SLC25A21: variants seen among roughly 807,000 people sequenced by gnomAD.
SLC25A21 encodes the protein mitochondrial 2-oxodicarboxylate carrier.
SLC25A21 carries 47 observed loss-of-function variants against 43.8 expected under a neutral mutation model. The observed-to-expected ratio is 1.07, with a 90% CI of 0.85 to 1.37. The LOEUF is 1.37. Ranked by LOEUF, SLC25A21 falls within the 40% of genes most tolerant of loss-of-function variation. SLC25A21 has a pLI of 0.00. For missense variants in SLC25A21, 352 were observed against 350.2 expected (o/e 1.00, Z -0.04); for synonymous variants, 131 against 121.3 (o/e 1.08, Z -0.52).
chr14:36,807,984 ATAT>A (rs1487235572), intron 3 of SLC25A21, among the ~76,000 whole-genome samples: 1 of 152,184 alleles, frequency 6.6e-6, no homozygotes, highest in African/African-American at 2.4e-5. Context: ...TAACTAGAAA[ATAT>A]TATAATCACC....
intron 1 of SLC25A21, among the ~76,000 whole-genome samples, chr14:36,914,282 C>T (rs947231949): frequency 1.3e-5 from 2 of 152,136 alleles, no homozygotes; most frequent in African/African-American, 4.8e-5. Flanking sequence ...AAGTCTCCAT[C>T]TGGTATATTT....
chr14:36,798,344 T>C (rs1887744023), intron 3 of SLC25A21, among the ~76,000 whole-genome samples: 1 of 152,192 alleles, frequency 6.6e-6, no homozygotes, highest in South Asian at 2.1e-4. Flanking sequence ...TTTCCTGTAA[T>C]TGAGAATGGT....
intron 7 of SLC25A21, among the ~76,000 whole-genome samples, chr14:36,699,282 G>A (rs1264621255): frequency 6.6e-6 from 1 of 152,160 alleles, no homozygotes; most frequent in Non-Finnish European, 1.5e-5. Context: ...AAATATTGCA[G>A]AACAGCAAAT....
At chr14:36,938,708 A>C (rs1317559634) in intron 1 of SLC25A21, among the ~76,000 whole-genome samples, 1 of 152,132 alleles carries the variant, frequency 6.6e-6, no homozygotes, top group Non-Finnish European at 1.5e-5. Flanking sequence ...CCAACCACAA[A>C]GAATTTTGGT....
intron 1 of SLC25A21, among the ~76,000 whole-genome samples, chr14:36,943,874 T>C (rs1892623844): frequency 6.6e-6 from 1 of 152,084 alleles, no homozygotes; most frequent in African/African-American, 2.4e-5. Context: ...CTAAGAAACC[T>C]CCTAGTAACA....
intron 1 of SLC25A21, among the ~76,000 whole-genome samples, chr14:37,095,845 A>ACACAC (rs1175447694): frequency 6.4e-4 from 14 of 21,778 alleles, no homozygotes; most frequent in African/African-American, 8.8e-4. Context: ...CACACACACA[A>ACACAC]AAAACACCTT....
chr14:36,678,996 A>G lies in SLC25A21; in HGVS notation c.*1662T>C. ...TTGACATATTTCCTCTATCTCATAG[A>G]TGGTAAAAGTGTTGCTTTTAAACTG... On this transcript the variant is annotated 3_prime_UTR_variant, in exon 10 of 10. Coordinates refer to ENST00000331299, the MANE Select transcript of SLC25A21 (RefSeq NM_030631.4). 1.7e-5 allele frequency: 16 copies of G among 963,788 alleles called. No homozygotes were observed. Among genetic ancestry groups the G allele is most frequent in the Non-Finnish European group, 1.9e-5 (16 of 823,148 alleles). The allele number at this position is 963,788 out of a possible 1,614,324, so 59.7% of individuals were successfully genotyped here. A position where few individuals can be genotyped will look rare whatever the true frequency, so the allele number is the denominator to read the frequency against.
intron 1 of SLC25A21, among the ~76,000 whole-genome samples, chr14:36,890,525 A>G (rs190736409): frequency 3.6e-4 from 55 of 152,282 alleles, no homozygotes; most frequent in African/African-American, 1.3e-3. Flanking sequence ...GCAGAAAATA[A>G]GAGATGAAGT....
At chr14:36,824,105 T>C (rs1888732841) in intron 2 of SLC25A21, among the ~76,000 whole-genome samples, 1 of 152,186 alleles carries the variant, frequency 6.6e-6, no homozygotes, top group Admixed American at 6.5e-5. Flanking sequence ...AGACCTAATA[T>C]ACTATTCCAT....
At chr14:37,012,249 A>G (rs962904012) in intron 1 of SLC25A21, among the ~76,000 whole-genome samples, 7 of 152,216 alleles carry the variant, frequency 4.6e-5, no homozygotes, top group Non-Finnish European at 7.4e-5. Flanking sequence ...ATATAATAAA[A>G]ATTGTTCTAA....
chr14:36,692,213 A>T (rs891161954), intron 7 of SLC25A21, among the ~76,000 whole-genome samples: 11 of 152,222 alleles, frequency 7.2e-5, no homozygotes, highest in Admixed American at 5.9e-4. Flanking sequence ...AGGGAGATCA[A>T]TGAGTTTCTC....
intron 1 of SLC25A21, among the ~76,000 whole-genome samples, chr14:36,991,884 A>G (rs1960271529): frequency 6.6e-6 from 1 of 152,184 alleles, no homozygotes; most frequent in Admixed American, 6.5e-5. Flanking sequence ...CTGTTTCAGT[A>G]AGATCAGTGC....
intron 2 of SLC25A21, among the ~76,000 whole-genome samples, chr14:36,835,765 T>C (rs920599359): frequency 1.1e-4 from 16 of 152,348 alleles, no homozygotes; most frequent in African/African-American, 3.4e-4. Flanking sequence ...TTTCCTAAAA[T>C]AATAGGTATG....
intron 1 of SLC25A21, among the ~76,000 whole-genome samples, chr14:36,925,849 A>C (rs1055942824): frequency 2.6e-5 from 4 of 152,162 alleles, no homozygotes; most frequent in Non-Finnish European, 5.9e-5. Flanking sequence ...TCCATCTCAA[A>C]ACAAAAACAA....
At chr14:37,061,894 G>T (rs1032551322) in intron 1 of SLC25A21, among the ~76,000 whole-genome samples, 1 of 152,198 alleles carries the variant, frequency 6.6e-6, no homozygotes, top group Admixed American at 6.5e-5. Context: ...CAACATTTCA[G>T]GTTCTTGAAA....
At chr14:36,939,492 G>C (rs2138647068) in intron 1 of SLC25A21, among the ~76,000 whole-genome samples, 1 of 151,932 alleles carries the variant, frequency 6.6e-6, no homozygotes, top group East Asian at 1.9e-4. Flanking sequence ...TAATCTTGTT[G>C]TCCATCTAAA....
intron 1 of SLC25A21, among the ~76,000 whole-genome samples, chr14:37,167,352 T>A (rs1253521776): frequency 6.6e-6 from 1 of 152,140 alleles, no homozygotes; most frequent in African/African-American, 2.4e-5. Context: ...AAAACGCAGA[T>A]TCCGATATGG....
intron 1 of SLC25A21, among the ~76,000 whole-genome samples, chr14:37,030,209 T>C (rs993708129): frequency 1.3e-5 from 2 of 152,134 alleles, no homozygotes; most frequent in South Asian, 4.2e-4. Context: ...TAAGTGGAAG[T>C]AGATCATCAT....
At chr14:36,680,765 G>A in intron 9 of SLC25A21, 46 bp from the exon 10 acceptor site, 1 of 1,556,252 alleles carries the variant, frequency 6.4e-7, no homozygotes. Flanking sequence ...CTCTGGAATA[G>A]CACTGGCTTT....
Sources: gnomAD v4.1 joint callset for allele counts (sites outside exome capture counted in the v4.1 genomes callset) on GRCh38, gnomAD v4.1.1 for gene constraint, MANE v1.5 for transcripts, NCBI Gene and HGNC (gene_info 2026-07-23, HGNC 2026-07-21) for gene names.